NR3C1: variants seen among roughly 807,000 people sequenced by gnomAD.
The protein encoded by NR3C1 is nuclear receptor subfamily 3 group C member 1.
Under a neutral mutation model 74.0 loss-of-function variants are expected in NR3C1, and 14 were observed. The observed-to-expected ratio is 0.19, with a 90% CI of 0.12 to 0.30. The LOEUF is 0.30. Among genes scored for constraint, NR3C1 ranks in the 10% least tolerant of loss-of-function variants. NR3C1 has a pLI of 1.00. For synonymous variants in NR3C1, 308 were observed against 332.5 expected (o/e 0.93, Z 0.80); for missense variants, 695 against 909.8 (o/e 0.76, Z 3.04).
At chr5:143,319,405 GA>G (rs201532781) in intron 2 of NR3C1, among the ~76,000 whole-genome samples, 7 of 151,530 alleles carry the variant, frequency 4.6e-5, no homozygotes, top group African/African-American at 7.3e-5. Context: ...CTATTTGGGA[GA>G]AAAAAAACAA....
intron 1 of NR3C1, among the ~76,000 whole-genome samples, chr5:143,428,603 CCTTTGTTTAAGTATTGCCTATGGCTG>C (rs1209338014): frequency 6.6e-6 from 1 of 152,168 alleles, no homozygotes; most frequent in African/African-American, 2.4e-5. Context: ...ACAGCACATC[CCTTTGTTTAAGTATTGCCTATGGCTG>C]CTTTCACACT....
At chr5:143,331,552 A>G (rs533740301) in intron 2 of NR3C1, among the ~76,000 whole-genome samples, 1 of 152,342 alleles carries the variant, frequency 6.6e-6, no homozygotes, top group East Asian at 1.9e-4. Flanking sequence ...TCAACAGAAG[A>G]CTGCATAAAG....
chr5:143,334,140 G>A (rs1026843900), intron 2 of NR3C1, among the ~76,000 whole-genome samples: 1 of 152,168 alleles, frequency 6.6e-6, no homozygotes, highest in African/African-American at 2.4e-5. Context: ...CCAACACTTT[G>A]GGAGGCTGAG....
chr5:143,386,306 A>G (rs1837208834), intron 2 of NR3C1, among the ~76,000 whole-genome samples: 1 of 152,228 alleles, frequency 6.6e-6, no homozygotes, highest in African/African-American at 2.4e-5. Flanking sequence ...CATAGCATTT[A>G]TATTTAGAAA....
At chr5:143,324,717 T>C (rs1824190180) in intron 2 of NR3C1, among the ~76,000 whole-genome samples, 1 of 152,232 alleles carries the variant, frequency 6.6e-6, no homozygotes, top group South Asian at 2.1e-4. Flanking sequence ...TTCTGAAGTT[T>C]TATGCTGTTT....
At chr5:143,405,393 G>C (rs1157392356), upstream of NR3C1, 1 of 979,280 alleles carries the variant, frequency 1.0e-6, no homozygotes, top group African/African-American at 1.8e-5. Context: ...AAGACGATTG[G>C]GGAAGCGCGT....
At chr5:143,332,943 C>G (rs761258410) in intron 2 of NR3C1, 1 of 1,573,702 alleles carries the variant, frequency 6.4e-7, no homozygotes, top group Non-Finnish European at 8.6e-7. Context: ...GAAGTCTGTC[C>G]GAGAACTCAT....
chr5:143,300,719 T>C lies in NR3C1; in HGVS notation c.1513A>G (p.Thr505Ala), dbSNP rs370874486. 4 of 1,614,034 alleles carry C rather than the reference T, an allele frequency of 2.5e-6. No homozygotes were observed. The African/African-American group carries it at 5.3e-5, about 22-fold the overall frequency. The change falls in exon 5 of 9, where the codon ACA becomes GCA. Residue 505 changes from threonine (T) to alanine (A), a missense_variant. Thr to Ala is a moderately conservative substitution (Grantham distance 58). Coordinates refer to ENST00000394464, the MANE Select transcript of NR3C1 (RefSeq NM_000176.3). The surrounding 1 kb of genome is among the most constrained non-coding windows in gnomAD (Gnocchi z 5.2). ...KKIKGIQQAT[T>A]GVSQETSENP... ...TCAGAGGTTTCTTGTGAGACTCCTGTAGTGGCCTGCTGAATTCCTTTTATT... is the reference window on the plus strand; with the variant it reads ...TCAGAGGTTTCTTGTGAGACTCCTGCAGTGGCCTGCTGAATTCCTTTTATT...
intron 1 of NR3C1, among the ~76,000 whole-genome samples, chr5:143,411,785 C>G (rs1349579559): frequency 6.6e-6 from 1 of 152,108 alleles, no homozygotes; most frequent in East Asian, 1.9e-4. Flanking sequence ...TACTAACACA[C>G]TAATGGACAT....
chr5:143,284,450 A>AC (rs1236605849), intron 7 of NR3C1, among the ~76,000 whole-genome samples: 5 of 134,522 alleles, frequency 3.7e-5, no homozygotes, highest in African/African-American at 1.3e-4. Context: ...ATTCTATATT[A>AC]ACAATGGGTT....
rs1486550210 is a variant in NR3C1 at position 143,280,936 on chromosome 5, C to G, written c.*953G>C. 1 of 152,024 alleles carries G rather than the reference C, an allele frequency of 6.6e-6. No individual in the cohort carries two copies. Among genetic ancestry groups the G allele is most frequent in the African/African-American group, 2.4e-5 (1 of 41,402 alleles). 9.4% of individuals were successfully genotyped at this position (152,024 alleles called of 1,614,324 possible). A position where few individuals can be genotyped will look rare whatever the true frequency, so the allele number is the denominator to read the frequency against. On this transcript the variant is annotated 3_prime_UTR_variant, in exon 9 of 9. Transcript: ENST00000394464. ...CAGCTTTCTTGCCATATAGCCATTG[C>G]AAAAATAGGGCGTTAGGTACAGACA... is the stretch of plus-strand genomic sequence containing the variant.
chr5:143,329,674 A>G (rs1367794856), intron 2 of NR3C1, among the ~76,000 whole-genome samples: 2 of 152,198 alleles, frequency 1.3e-5, no homozygotes, highest in African/African-American at 4.8e-5. Flanking sequence ...GAACTCCTCT[A>G]TTTCACAGAA....
At position 143,294,798 on chromosome 5, in the gene NR3C1, GT is replaced by G. The variant is rs748479948; in HGVS notation, c.2023+661del. 817 of 432,300 alleles carry G rather than the reference GT, an allele frequency of 1.9e-3. 2 individuals carry two copies. The highest frequency in any genetic ancestry group is 2.1e-3 in the Non-Finnish European group (697 of 324,596). The allele number at this position is 432,300 out of a possible 1,614,324, so 26.8% of individuals were successfully genotyped here. ...TAATATGCATTTAACGTCCCTCCAT[GT>G]GTTTTCATGGCTTGACAGCTTATTT... On this transcript the variant is annotated intron_variant, in intron 7 of 8. Coordinates refer to ENST00000394464, the MANE Select transcript of NR3C1 (RefSeq NM_000176.3).
At chr5:143,333,769 A>C (rs1561593326) in intron 2 of NR3C1, among the ~76,000 whole-genome samples, 3 of 152,078 alleles carry the variant, frequency 2.0e-5, no homozygotes, top group Non-Finnish European at 2.9e-5. Context: ...TCCATCTCAA[A>C]AAACAAACAA....
intron 2 of NR3C1, among the ~76,000 whole-genome samples, chr5:143,314,507 C>T (rs1034438406): frequency 1.4e-5 from 2 of 144,542 alleles, no homozygotes; most frequent in Non-Finnish European, 3.0e-5. Flanking sequence ...TTACTGTTTT[C>T]TAAGTCTATA....
At chr5:143,332,029 G>T (rs1826059732) in intron 2 of NR3C1, among the ~76,000 whole-genome samples, 1 of 152,164 alleles carries the variant, frequency 6.6e-6, no homozygotes, top group African/African-American at 2.4e-5. Context: ...TTTATCCATA[G>T]TTTAAAATTA....
chr5:143,318,233 C>T (rs1248451457), intron 2 of NR3C1, among the ~76,000 whole-genome samples: 1 of 152,090 alleles, frequency 6.6e-6, no homozygotes, highest in Non-Finnish European at 1.5e-5. Context: ...GGTTAATGGT[C>T]CTCCAGAAAC....
Position 143,279,409 on chromosome 5 carries a change from A to G in NR3C1, c.*2480T>C. ...TGCTTTCTGGTTTTAACCACATAAC[A>G]TTCTATAAAGGAATGATAATCTACG... On this transcript the variant is annotated 3_prime_UTR_variant, in exon 9 of 9. Coordinates refer to ENST00000394464, the MANE Select transcript of NR3C1 (RefSeq NM_000176.3). 1.9e-6 allele frequency: 3 copies of G among 1,538,638 alleles called. No individual in the cohort carries two copies. The highest frequency in any genetic ancestry group is 2.5e-5 in the East Asian group (1 of 40,798).
chr5:143,398,094 C>T (rs538452591), intron 2 of NR3C1, among the ~76,000 whole-genome samples: 3 of 151,844 alleles, frequency 2.0e-5, no homozygotes, highest in African/African-American at 7.2e-5. Context: ...TCAAATCAAC[C>T]GTACTTAACT....
Sources: gnomAD v4.1 joint callset for allele counts (sites outside exome capture counted in the v4.1 genomes callset) on GRCh38, gnomAD v4.1.1 for gene constraint, Gnocchi (gnomAD v3.1) non-coding constraint, MANE v1.5 for transcripts, NCBI Gene and HGNC (gene_info 2026-07-23, HGNC 2026-07-21) for gene names.